The following TRMT10B variants were observed in gnomAD, a reference collection of about 807,000 sequenced individuals.
TRMT10B encodes tRNA methyltransferase 10 homolog B.
Under a neutral mutation model 43.8 loss-of-function variants are expected in TRMT10B, and 33 were observed. The ratio of observed to expected loss-of-function variants is 0.75; its 90% CI spans 0.57 to 1.01. The LOEUF is 1.01. TRMT10B is among the 50% of genes least tolerant of loss of function. The probability of loss-of-function intolerance (pLI) is 0.00; values close to 1 mark genes in which losing one functional copy is unlikely to be tolerated. For missense variants in TRMT10B, 362 were observed against 369.8 expected (o/e 0.98, Z 0.17); for synonymous variants, 137 against 130.6 (o/e 1.05, Z -0.34).
intron 2 of TRMT10B, 49 bp from the exon 3 acceptor site, chr9:37,762,528 T>C (rs761347409): frequency 1.4e-5 from 22 of 1,528,100 alleles, no homozygotes; most frequent in East Asian, 1.4e-4. Context: ...TTTTCCTTTT[T>C]TGGTGCTTAT....
At position 37,778,430 on chromosome 9, in the gene TRMT10B, G is replaced by C. The variant is rs147110281; in HGVS notation, c.*723G>C. On this transcript the variant is annotated 3_prime_UTR_variant, in exon 9 of 9. Transcript: ENST00000297994. Reference sequence around the variant, plus strand: ...CTCAGGAGGCTGAGGCAGGAGAATCGCCTGAACCCGGGCGGCGGAGGTTGT... The same window carrying C: ...CTCAGGAGGCTGAGGCAGGAGAATCCCCTGAACCCGGGCGGCGGAGGTTGT... 1 of 151,914 alleles carries C rather than the reference G, an allele frequency of 6.6e-6. No individual in the cohort carries two copies. Among genetic ancestry groups the C allele is most frequent in the Non-Finnish European group, 1.5e-5 (1 of 68,012 alleles). 9.4% of individuals were successfully genotyped at this position (151,914 alleles called of 1,614,324 possible).
chr9:37,763,143 C>CAAAAAAAAAAAAAAAAAAAAA (rs747893643), intron 3 of TRMT10B, among the ~76,000 whole-genome samples: 5 of 50,196 alleles, frequency 1.0e-4, no homozygotes, highest in Admixed American at 2.4e-4. Context: ...GACTCTGTCT[C>CAAAAAAAAAAAAAAAAAAAAA]AAAAAAAAAA....
Position 37,769,802 on chromosome 9 carries a change from C to T in TRMT10B, c.574-139C>T, listed in dbSNP as rs539138377. 8.5e-4 allele frequency: 614 copies of T among 719,902 alleles called. 4 individuals are homozygous for T. Among genetic ancestry groups the T allele is most frequent in the South Asian group, 5.2e-3 (340 of 65,210 alleles). 44.6% of individuals were successfully genotyped at this position (719,902 alleles called of 1,614,324 possible). Reference sequence around the variant, plus strand: ...ATTTTTAGTAGAGACTGGGTTTCACCATGTTGCCCAGTCTGGTCTCGAACT... The same window carrying T: ...ATTTTTAGTAGAGACTGGGTTTCACTATGTTGCCCAGTCTGGTCTCGAACT... On this transcript the variant is annotated intron_variant, in intron 5 of 8. Transcript: ENST00000297994.
intron 1 of TRMT10B, among the ~76,000 whole-genome samples, chr9:37,755,592 C>A (rs1356801592): frequency 6.6e-6 from 1 of 152,192 alleles, no homozygotes; most frequent in South Asian, 2.1e-4. Context: ...TGCCAGACAA[C>A]AGAGATACAA....
chr9:37,773,184 T>TGCAACCTTGA (rs1827768831), intron 7 of TRMT10B, among the ~76,000 whole-genome samples: 1 of 152,224 alleles, frequency 6.6e-6, no homozygotes, highest in South Asian at 2.1e-4. Flanking sequence ...CATAGCTCGC[T>TGCAACCTTGA]GCAACCTTGA....
At chr9:37,754,665 T>C (rs1416387838) in intron 1 of TRMT10B, among the ~76,000 whole-genome samples, 2 of 152,080 alleles carry the variant, frequency 1.3e-5, no homozygotes, top group South Asian at 4.2e-4. Flanking sequence ...GGTCAGATAA[T>C]TGGAGCCCCA....
chr9:37,763,327 G>A (rs992838707), intron 3 of TRMT10B, among the ~76,000 whole-genome samples: 2 of 152,108 alleles, frequency 1.3e-5, no homozygotes, highest in African/African-American at 2.4e-5. Context: ...ATAAAGAGGA[G>A]CTGTTATTAT....
intron 4 of TRMT10B, among the ~76,000 whole-genome samples, chr9:37,765,379 G>C (rs1351729550): frequency 1.3e-5 from 2 of 152,108 alleles, no homozygotes; most frequent in African/African-American, 4.8e-5. Context: ...ATAGTTTGCT[G>C]AGAATGATAG....
rs1828383774 is a variant in TRMT10B, at chr9:37,778,142, TA to T, written c.*437del. ...ATGACATCTTCTCAGAGCTTCACAA[TA>T]ATGTCAGGGACCACATTTAATGCTT... On this transcript the variant is annotated 3_prime_UTR_variant, in exon 9 of 9. Coordinates refer to ENST00000297994, the MANE Select transcript of TRMT10B (RefSeq NM_144964.4). 6.1e-6 allele frequency: 1 copy of T among 164,644 alleles called. No homozygotes were observed. Among genetic ancestry groups the T allele is most frequent in the Admixed American group, 6.0e-5 (1 of 16,554 alleles). The allele number at this position is 164,644 out of a possible 1,614,324, so 10.2% of individuals were successfully genotyped here.
intron 1 of TRMT10B, among the ~76,000 whole-genome samples, chr9:37,755,760 CAT>C (rs928531802): frequency 7.9e-5 from 12 of 151,950 alleles, no homozygotes; most frequent in Admixed American, 5.2e-4. Context: ...TTTGGAGAAA[CAT>C]GAGGTAAAAG....
chr9:37,764,088 G>T (rs1340200874), intron 4 of TRMT10B, among the ~76,000 whole-genome samples: 1 of 152,108 alleles, frequency 6.6e-6, no homozygotes, highest in Non-Finnish European at 1.5e-5. Context: ...AGGAATATTT[G>T]CCTGGTAGCA....
chr9:37,768,259 G>T, intron 5 of TRMT10B, 31 bp downstream of exon 5: 3 of 1,572,092 alleles, frequency 1.9e-6, no homozygotes, highest in African/African-American at 1.4e-5. Flanking sequence ...TATTTGAATT[G>T]TCATCTGAAA....
At chr9:37,761,070 A>G (rs981244260) in intron 1 of TRMT10B, among the ~76,000 whole-genome samples, 4 of 152,234 alleles carry the variant, frequency 2.6e-5, no homozygotes, top group African/African-American at 7.2e-5. Context: ...GAGGAAATAC[A>G]TAGTTTAAAA....
intron 4 of TRMT10B, 172 bp downstream of exon 4, chr9:37,763,925 C>A: frequency 7.5e-7 from 1 of 1,338,834 alleles, no homozygotes; most frequent in South Asian, 1.4e-5. Flanking sequence ...TTGTAACGAA[C>A]CTGGAAGAGA....
Position 37,778,044 on chromosome 9 carries a change from G to T in TRMT10B, c.*337G>T. The T allele has an allele frequency of 4.7e-6, 1 of 210,578 alleles. No homozygotes were observed. The highest frequency in any genetic ancestry group is 9.7e-6 in the Non-Finnish European group (1 of 103,250). 13.0% of individuals were successfully genotyped at this position (210,578 alleles called of 1,614,324 possible). On this transcript the variant is annotated 3_prime_UTR_variant, in exon 9 of 9. Coordinates refer to ENST00000297994, the MANE Select transcript of TRMT10B (RefSeq NM_144964.4). The stretch of plus-strand genomic sequence containing the variant: ...TAAAAAAAAATGCAGCTGCAGGAGT[G>T]AGGCGCTTGGAGGTACCTTGACCCA...
chr9:37,770,808 G>C (rs781190813), intron 7 of TRMT10B, 69 bp downstream of exon 7: 2 of 1,526,194 alleles, frequency 1.3e-6, no homozygotes, highest in African/African-American at 2.7e-5. Flanking sequence ...CATGTGCCCT[G>C]TTATAGTCTC....
Position 37,770,362 on chromosome 9 carries a change from T to A in TRMT10B, c.653-310T>A, listed in dbSNP as rs539176936. Among the ~76,000 whole-genome samples the A allele has an allele frequency of 4.7e-4, 71 of 152,390 alleles. 1 individual carries two copies. Among genetic ancestry groups the A allele is most frequent in the South Asian group, 4.3e-3 (21 of 4,830 alleles). The stretch of plus-strand genomic sequence containing the variant: ...GAAAATCATTCATTTCACATAATTT[T>A]AAAATGTATTGGTATTCAGTTGATC... On this transcript the variant is annotated intron_variant, in intron 6 of 8. Transcript: ENST00000297994.
chr9:37,770,806 C>G lies in TRMT10B; in HGVS notation c.720+67C>G. 2.6e-6 allele frequency: 4 copies of G among 1,524,176 alleles called. No homozygotes were observed. The East Asian group carries it at 9.1e-5, about 35-fold the overall frequency. 94.4% of individuals were successfully genotyped at this position (1,524,176 alleles called of 1,614,324 possible). ...GTGCTTACTTTTAGAGGCATGTGCC[C>G]TGTTATAGTCTCCTCTAGAGGGTCT... is the stretch of plus-strand genomic sequence containing the variant. On this transcript the variant is annotated intron_variant, in intron 7 of 8. Transcript: ENST00000297994.
Position 37,770,028 on chromosome 9 carries a change from T to C in TRMT10B, c.652+9T>C. The C allele has an allele frequency of 6.2e-7, 1 of 1,607,918 alleles. No homozygotes were observed. The highest frequency in any genetic ancestry group is 8.5e-7 in the Non-Finnish European group (1 of 1,174,360). ...TCCTGACTCAGAACACGGTATGTAG[T>C]TGAATGCATGGATTCGTATAGCCCA... is the stretch of plus-strand genomic sequence containing the variant. On this transcript the variant is annotated intron_variant, in intron 6 of 8. Coordinates refer to ENST00000297994, the MANE Select transcript of TRMT10B (RefSeq NM_144964.4).
Sources: gnomAD v4.1 joint callset for allele counts (sites outside exome capture counted in the v4.1 genomes callset) on GRCh38, gnomAD v4.1.1 for gene constraint, MANE v1.5 for transcripts, NCBI Gene and HGNC (gene_info 2026-07-23, HGNC 2026-07-21) for gene names.